Variants in RSPH1 observed in about 807,000 individuals in gnomAD.
RSPH1 encodes radial spoke head component 1.
A neutral mutation model predicts 44.2 loss-of-function variants in RSPH1; 32 were observed. The observed-to-expected ratio is 0.72, with a 90% CI of 0.55 to 0.97. RSPH1 has a LOEUF of 0.97. RSPH1 is among the 50% of genes least tolerant of loss of function. The pLI is 0.00. For missense variants in RSPH1, 391 were observed against 398.7 expected (o/e 0.98, Z 0.16); for synonymous variants, 134 against 147.3 (o/e 0.91, Z 0.65).
At chr21:42,483,478 C>T (rs548323039) in intron 5 of RSPH1, among the ~76,000 whole-genome samples, 2 of 152,074 alleles carry the variant, frequency 1.3e-5, no homozygotes, top group African/African-American at 2.4e-5. Flanking sequence ...TTATATAAAA[C>T]AACAGGGTCT....
intron 6 of RSPH1, among the ~76,000 whole-genome samples, chr21:42,482,172 C>A (rs56013033): frequency 0.019 from 2,915 of 152,268 alleles, 98 homozygotes; most frequent in African/African-American, 0.067. Context: ...CAAACTCCGC[C>A]GCCCAGGTTT....
rs528051676 is a variant in RSPH1 at position 42,489,079 on chromosome 21, G to A, written c.275-2618C>T. On this transcript the variant is annotated intron_variant, in intron 3 of 8. Transcript: ENST00000291536. ...TGGCTGGTTGGTTAGTTGGCTAACC[G>A]ATTGGTTGGTTGGTTGGTTGGCTGG... 1.2e-4 allele frequency among the ~76,000 whole-genome samples: 18 copies of A among 150,012 alleles called. No homozygotes were observed. The South Asian group carries it at 3.6e-3, about 30-fold the overall frequency.
intron 3 of RSPH1, 79 bp from the exon 4 acceptor site, chr21:42,486,540 C>T: frequency 9.8e-7 from 1 of 1,024,964 alleles, no homozygotes; most frequent in Non-Finnish European, 1.6e-6. Context: ...AATTGTTAAC[C>T]ATGGCAAAGG....
At chr21:42,490,082 A>T (rs1182483451) in intron 3 of RSPH1, among the ~76,000 whole-genome samples, 1 of 151,820 alleles carries the variant, frequency 6.6e-6, no homozygotes, top group Non-Finnish European at 1.5e-5. Context: ...GCATCAGTAC[A>T]TGGGGTCTAG....
At chr21:42,492,942 T>C in intron 2 of RSPH1, 24 bp downstream of exon 2, 1 of 1,605,016 alleles carries the variant, frequency 6.2e-7, no homozygotes, top group Non-Finnish European at 8.5e-7. Flanking sequence ...GAGAAAACCA[T>C]CCAGTCAAGT....
In RSPH1 at chr21:42,493,006, G is replaced by A; in HGVS notation, c.128C>T (p.Thr43Ile). 1.2e-6 allele frequency: 2 copies of A among 1,614,180 alleles called. No individual in the cohort carries two copies. The highest frequency in any genetic ancestry group is 1.7e-6 in the Non-Finnish European group (2 of 1,180,042). ...ACCGAATTCGTAGCTCCCTTCGTAGGTGTCCCCGTTGGGTAGCCGTGCCCT... is the reference window on the plus strand; with the variant it reads ...ACCGAATTCGTAGCTCCCTTCGTAGATGTCCCCGTTGGGTAGCCGTGCCCT... The part of the protein sequence containing the change: ...RGRARLPNGD[T>I]YEGSYEFGKR... Residue 43 changes from threonine to isoleucine, a missense_variant, in exon 2 of 9, where the codon ACC becomes ATC. Thr to Ile is a moderately conservative substitution (Grantham distance 89, BLOSUM62 -1). Transcript: ENST00000291536.
Position 42,477,296 on chromosome 21 carries a change from G to GCCCGGGGGTGCC in RSPH1, c.721_722insGGCACCCCCGGG (p.Gly240_Ala241insGlyHisProArg), listed in dbSNP as rs751775896. 1 of 1,613,418 alleles carries GCCCGGGGGTGCC rather than the reference G, an allele frequency of 6.2e-7. No individual in the cohort carries two copies. On this transcript the variant is annotated inframe_insertion, in exon 7 of 9. Transcript: ENST00000291536. The stretch of plus-strand genomic sequence containing the variant: ...AGCCCGGGGGTGCCCCACACTCTCA[G>GCCCGGGGGTGCC]CTCCTGGAGCGTCTTGGCCAGGTCC...
In RSPH1 at chr21:42,475,816, C is replaced by T. The variant is rs1245901456; in HGVS notation, c.877+82G>A. Reference sequence around the variant, plus strand: ...CCCTGGGGCCCAGCTGAAGGCAGGCCTTGGTGAAGGGAAGGGGAATCCCAC... The same window carrying T: ...CCCTGGGGCCCAGCTGAAGGCAGGCTTTGGTGAAGGGAAGGGGAATCCCAC... On this transcript the variant is annotated intron_variant, in intron 8 of 8. Transcript: ENST00000291536. The T allele has an allele frequency of 4.0e-6, 6 of 1,512,338 alleles. No homozygotes were observed. In the Middle Eastern group the frequency reaches 1.0e-3, roughly 261 times the overall value. 93.7% of individuals were successfully genotyped at this position (1,512,338 alleles called of 1,614,324 possible). A position where few individuals can be genotyped will look rare whatever the true frequency, so the allele number is the denominator to read the frequency against.
intron 8 of RSPH1, among the ~76,000 whole-genome samples, chr21:42,473,574 T>G (rs2054014841): frequency 6.6e-6 from 1 of 152,206 alleles, no homozygotes; most frequent in African/African-American, 2.4e-5. Flanking sequence ...AGAGCTATTT[T>G]TTATTATTAA....
intron 6 of RSPH1, among the ~76,000 whole-genome samples, chr21:42,478,516 G>A (rs1568960306): frequency 6.6e-6 from 1 of 152,208 alleles, no homozygotes; most frequent in Non-Finnish European, 1.5e-5. Flanking sequence ...CAGATTCCCA[G>A]GTGAAGCTGA....
chr21:42,495,192 G>T (rs1001694746), intron 1 of RSPH1, among the ~76,000 whole-genome samples: 22 of 152,328 alleles, frequency 1.4e-4, no homozygotes, highest in African/African-American at 4.8e-4. Context: ...TGGCTGTCTG[G>T]CCGGATGTGA....
intron 8 of RSPH1, among the ~76,000 whole-genome samples, chr21:42,475,236 T>C (rs1341405832): frequency 6.6e-6 from 1 of 151,882 alleles, no homozygotes; most frequent in East Asian, 1.9e-4. Flanking sequence ...CCAAACCCAT[T>C]GAAAAAGAGC....
At chr21:42,492,374 G>A (rs150430649) in intron 3 of RSPH1, among the ~76,000 whole-genome samples, 51 of 152,354 alleles carry the variant, frequency 3.3e-4, no homozygotes, top group African/African-American at 1.1e-3. Flanking sequence ...TAACACATCC[G>A]TCAGATGGCG....
intron 1 of RSPH1, among the ~76,000 whole-genome samples, chr21:42,494,756 G>A (rs2054270512): frequency 6.6e-6 from 1 of 150,808 alleles, no homozygotes; most frequent in Non-Finnish European, 1.5e-5. Context: ...CTGGAGTGCA[G>A]TGGCGTGATC....
At chr21:42,488,184 G>A (rs1411853573) in intron 3 of RSPH1, among the ~76,000 whole-genome samples, 1 of 152,226 alleles carries the variant, frequency 6.6e-6, no homozygotes, top group African/African-American at 2.4e-5. Flanking sequence ...CAAGAGAGAT[G>A]AAGATCCCCA....
Position 42,472,661 on chromosome 21 carries a change from T to A in RSPH1, c.*157A>T. On this transcript the variant is annotated 3_prime_UTR_variant, in exon 9 of 9. Coordinates refer to ENST00000291536, the MANE Select transcript of RSPH1 (RefSeq NM_080860.4). ...CTCTGCCACCCAGGCTGGAGAGCAG[T>A]GGCGCGATCTCCACTCACTGCAACT... is the stretch of plus-strand genomic sequence containing the variant. 1 of 549,282 alleles carries A rather than the reference T, an allele frequency of 1.8e-6. No individual in the cohort carries two copies. 34.0% of individuals were successfully genotyped at this position (549,282 alleles called of 1,614,324 possible).
At chr21:42,481,289 T>C (rs1795522373) in intron 6 of RSPH1, among the ~76,000 whole-genome samples, 1 of 152,154 alleles carries the variant, frequency 6.6e-6, no homozygotes, top group South Asian at 2.1e-4. Flanking sequence ...CCTTCCATCA[T>C]GAGTGGAAGC....
In RSPH1 at chr21:42,477,335, G is replaced by A. The variant is rs149604283; in HGVS notation, c.683C>T (p.Pro228Leu). 2.0e-4 allele frequency: 329 copies of A among 1,610,318 alleles called. 1 individual carries two copies. In the African/African-American group the frequency reaches 3.5e-3, roughly 17 times the overall value. Reference protein sequence around the residue: ...ALWTPTLPKKPTSTDGPGQDA... With the variant: ...ALWTPTLPKKLTSTDGPGQDA... The stretch of plus-strand genomic sequence containing the variant: ...TTGGCCAGGTCCATCCGTAGAGGTC[G>A]GCTTTTTGGGGAGAGTTGGTGTCCA... Residue 228 changes from proline (P) to leucine (L), a missense_variant, in exon 7 of 9, where the codon CCG becomes CTG. Pro to Leu is a moderately conservative substitution (Grantham distance 98). Coordinates refer to ENST00000291536, the MANE Select transcript of RSPH1 (RefSeq NM_080860.4).
rs376246640 is a variant in RSPH1, at chr21:42,480,199, C to T, written c.573+2438G>A. Among the ~76,000 whole-genome samples the T allele has an allele frequency of 1.1e-3, 161 of 152,242 alleles. 4 individuals carry two copies. The highest frequency in any genetic ancestry group is 3.4e-3 in the African/African-American group (143 of 41,550). On this transcript the variant is annotated intron_variant, in intron 6 of 8. Coordinates refer to ENST00000291536, the MANE Select transcript of RSPH1 (RefSeq NM_080860.4). ...TGGCTGAGGTCAGGGCCGAGAGCCC[C>T]GGGGATGTCCAGACTGTGGCCACTT... is the stretch of plus-strand genomic sequence containing the variant.
Sources: gnomAD v4.1 joint callset for allele counts (sites outside exome capture counted in the v4.1 genomes callset) on GRCh38, gnomAD v4.1.1 for gene constraint, MANE v1.5 for transcripts, NCBI Gene and HGNC (gene_info 2026-07-23, HGNC 2026-07-21) for gene names.